The following DEUP1 variants were observed in gnomAD, a reference collection of about 807,000 sequenced individuals.
DEUP1 encodes the protein deuterosome assembly protein 1.
DEUP1 carries 82 observed loss-of-function variants against 87.4 expected under a neutral mutation model. The observed-to-expected ratio is 0.94, with a 90% CI of 0.78 to 1.13. DEUP1 has a LOEUF of 1.13. Ranked by LOEUF, DEUP1 falls within the 50% of genes most tolerant of loss-of-function variation. The pLI is 0.00. For synonymous variants in DEUP1, 214 were observed against 222.7 expected, an observed-to-expected ratio of 0.96 and a Z score of 0.35; for missense variants, 663 against 681.5, an observed-to-expected ratio of 0.97 and a Z score of 0.30.
chr11:93,437,746 C>CCCA lies in DEUP1; in HGVS notation c.*29_*30insACC. The CCCA allele has an allele frequency of 3.8e-6, 4 of 1,047,250 alleles. No homozygotes were observed. Among genetic ancestry groups the CCCA allele is most frequent in the Non-Finnish European group, 5.5e-6 (4 of 732,254 alleles). 64.9% of individuals were successfully genotyped at this position (1,047,250 alleles called of 1,614,324 possible). On this transcript the variant is annotated 3_prime_UTR_variant, in exon 14 of 14. Transcript: ENST00000298050. ...CTTTTAAACTTTTTTATTTGCTTCCCCCCCCCACCCCCGCCAAGAAAAAAA... is the reference window on the plus strand; with the variant it reads ...CTTTTAAACTTTTTTATTTGCTTCCCCCACCCCCCACCCCCGCCAAGAAAAAAA...
intron 11 of DEUP1, among the ~76,000 whole-genome samples, chr11:93,406,225 T>A (rs1475639070): frequency 6.6e-6 from 1 of 151,926 alleles, no homozygotes; most frequent in African/African-American, 2.4e-5. Flanking sequence ...ATTGAGTGTC[T>A]CCTACCAGGT....
intron 2 of DEUP1, among the ~76,000 whole-genome samples, chr11:93,336,026 T>A (rs1352102194): frequency 6.6e-6 from 1 of 152,066 alleles, no homozygotes; most frequent in Admixed American, 6.6e-5. Flanking sequence ...GGCAGGAGAA[T>A]CATTTGAACC....
At chr11:93,331,211 G>T (rs994601136) in intron 1 of DEUP1, among the ~76,000 whole-genome samples, 6 of 152,196 alleles carry the variant, frequency 3.9e-5, no homozygotes, top group Non-Finnish European at 7.3e-5. Flanking sequence ...ATTTGGAAGT[G>T]ATGTGAGCTC....
intron 13 of DEUP1, among the ~76,000 whole-genome samples, chr11:93,430,751 A>G (rs556837495): frequency 6.6e-6 from 1 of 152,234 alleles, no homozygotes; most frequent in Non-Finnish European, 1.5e-5. Flanking sequence ...ATTTTATCTC[A>G]AAAACAAACA....
At position 93,370,303 on chromosome 11, in the gene DEUP1, G is replaced by A. The variant is rs796736731; in HGVS notation, c.546+117G>A. 6.4e-5 allele frequency: 39 copies of A among 605,058 alleles called. 1 individual carries two copies. In the African/African-American group the frequency reaches 7.0e-4, roughly 11 times the overall value. 37.5% of individuals were successfully genotyped at this position (605,058 alleles called of 1,614,324 possible). On this transcript the variant is annotated intron_variant, in intron 6 of 13. Transcript: ENST00000298050. ...TGCCAACTAAGAAAAAACGAGAGTA[G>A]GTCCAAAGGTGGGTACAGTCACAAG...
At chr11:93,416,479 G>A (rs1947634321) in intron 13 of DEUP1, among the ~76,000 whole-genome samples, 1 of 152,072 alleles carries the variant, frequency 6.6e-6, no homozygotes. Flanking sequence ...ACTAAACCAG[G>A]AAGAAGTTGA....
At chr11:93,418,969 G>T (rs1279561100) in intron 13 of DEUP1, among the ~76,000 whole-genome samples, 1 of 151,076 alleles carries the variant, frequency 6.6e-6, no homozygotes, top group African/African-American at 2.4e-5. Context: ...ACTCATAGGT[G>T]GGAATTGAAC....
chr11:93,337,660 T>C (rs994371052), intron 2 of DEUP1, among the ~76,000 whole-genome samples: 5 of 152,196 alleles, frequency 3.3e-5, no homozygotes, highest in Admixed American at 2.6e-4. Flanking sequence ...AACTTGACGG[T>C]AGACTCTGAA....
intron 11 of DEUP1, among the ~76,000 whole-genome samples, chr11:93,406,046 T>C (rs1947266849): frequency 6.6e-6 from 1 of 152,000 alleles, no homozygotes; most frequent in South Asian, 2.1e-4. Context: ...CATGAGTTTT[T>C]ATTGTGAGAA....
chr11:93,398,028 C>T (rs994284529), intron 11 of DEUP1, among the ~76,000 whole-genome samples: 10 of 151,964 alleles, frequency 6.6e-5, no homozygotes, highest in South Asian at 4.1e-4. Flanking sequence ...CTCATCTACC[C>T]GCATTATACC....
In DEUP1 at chr11:93,356,932, T is replaced by G; in HGVS notation, c.202-16T>G. 2 of 1,545,156 alleles carry G rather than the reference T, an allele frequency of 1.3e-6. No individual in the cohort carries two copies. The highest frequency in any genetic ancestry group is 1.8e-6 in the Non-Finnish European group (2 of 1,138,094). ...AAATTTAGAAAAAGCAAAATTAAAT[T>G]TTATTCTTCATGCAGGTAGGGTTAC... On this transcript the variant is annotated splice_polypyrimidine_tract_variant and intron_variant, in intron 3 of 13. Transcript: ENST00000298050.
chr11:93,333,056 C>A (rs1943570659), intron 2 of DEUP1, among the ~76,000 whole-genome samples: 1 of 152,336 alleles, frequency 6.6e-6, no homozygotes, highest in Non-Finnish European at 1.5e-5. Flanking sequence ...AAGAAAGCTG[C>A]ACAAGTTTGG....
At chr11:93,382,233 T>C (rs1267097921) in intron 7 of DEUP1, among the ~76,000 whole-genome samples, 1 of 152,206 alleles carries the variant, frequency 6.6e-6, no homozygotes, top group Non-Finnish European at 1.5e-5. Context: ...CTTGTGTTAA[T>C]TTAGTATTAA....
At chr11:93,410,208 AC>A (rs1565342221) in intron 12 of DEUP1, among the ~76,000 whole-genome samples, 2 of 152,124 alleles carry the variant, frequency 1.3e-5, no homozygotes, top group African/African-American at 4.8e-5. Context: ...AAATTAATAA[AC>A]CCTTTTCAGG....
chr11:93,353,398 G>C (rs745555871), intron 2 of DEUP1, among the ~76,000 whole-genome samples: 5 of 152,188 alleles, frequency 3.3e-5, no homozygotes, highest in Non-Finnish European at 5.9e-5. Context: ...GGCATTGAGT[G>C]TCTGTGGCTT....
chr11:93,348,954 A>G (rs913182527), intron 2 of DEUP1, among the ~76,000 whole-genome samples: 2 of 152,188 alleles, frequency 1.3e-5, no homozygotes, highest in Middle Eastern at 3.2e-3. Context: ...GGAGATATAG[A>G]TATAGATAAT....
At chr11:93,375,714 A>G (rs1461675327) in intron 7 of DEUP1, among the ~76,000 whole-genome samples, 2 of 152,050 alleles carry the variant, frequency 1.3e-5, no homozygotes, top group Non-Finnish European at 2.9e-5. Context: ...TTTTGCATCT[A>G]TGTTCATCAG....
At chr11:93,357,223 C>T in intron 4 of DEUP1, 180 bp downstream of exon 4, 1 of 497,558 alleles carries the variant, frequency 2.0e-6, no homozygotes, top group South Asian at 2.9e-5. Context: ...AGATTGTTGT[C>T]TTGCTATATT....
At chr11:93,348,109 A>G (rs1050401402) in intron 2 of DEUP1, among the ~76,000 whole-genome samples, 3 of 152,090 alleles carry the variant, frequency 2.0e-5, no homozygotes, top group Admixed American at 1.3e-4. Context: ...CTTTTCTCCT[A>G]GATTTTCTAG....
Sources: allele counts gnomAD v4.1 joint callset (sites outside exome capture counted in the v4.1 genomes callset), GRCh38; gene constraint gnomAD v4.1.1; transcripts MANE v1.5; gene names NCBI Gene and HGNC (gene_info 2026-07-23, HGNC 2026-07-21).